Variants in ASCC3 observed in about 807,000 individuals in gnomAD.
ASCC3 encodes activating signal cointegrator 1 complex subunit 3.
In ASCC3, 158 loss-of-function variants were observed where a neutral mutation model predicts 256.3. The ratio of observed to expected loss-of-function variants is 0.62; its 90% CI spans 0.54 to 0.70. The LOEUF is 0.70. ASCC3 is among the 30% of genes least tolerant of loss of function. ASCC3 has a pLI of 0.00. For synonymous variants in ASCC3, 948 were observed against 883.4 expected (o/e 1.07, Z -1.30); for missense variants, 2,259 against 2,626.0 (o/e 0.86, Z 3.05).
At chr6:100,595,544 C>CATCAAAT (rs1772249263) in intron 34 of ASCC3, among the ~76,000 whole-genome samples, 1 of 151,932 alleles carries the variant, frequency 6.6e-6, no homozygotes, top group Admixed American at 6.6e-5. Flanking sequence ...TTTTGGGGGG[C>CATCAAAT]ATCAAATAAA....
At chr6:100,810,864 C>T (rs527248217) in intron 4 of ASCC3, among the ~76,000 whole-genome samples, 1 of 152,180 alleles carries the variant, frequency 6.6e-6, no homozygotes, top group Non-Finnish European at 1.5e-5. Context: ...CATTAAGATT[C>T]CTAAAAAGCT....
At chr6:100,771,515 T>G (rs1407555180) in intron 8 of ASCC3, among the ~76,000 whole-genome samples, 2 of 147,622 alleles carry the variant, frequency 1.4e-5, no homozygotes, top group Non-Finnish European at 3.0e-5. Flanking sequence ...AATACATATA[T>G]CAGATAAAGT....
Position 100,863,050 on chromosome 6 carries a change from G to A in ASCC3, c.241+1014C>T, listed in dbSNP as rs187512344. Among the ~76,000 whole-genome samples, 447 of 152,282 alleles carry A rather than the reference G, an allele frequency of 2.9e-3. 4 individuals carry two copies. Among genetic ancestry groups the A allele is most frequent in the Middle Eastern group, 0.01 (3 of 292 alleles). On this transcript the variant is annotated intron_variant, in intron 3 of 41. Coordinates refer to ENST00000369162, the MANE Select transcript of ASCC3 (RefSeq NM_006828.4). ...GAATGAAGTGAGGTCAGACAGAGGG[G>A]AAGGCCAGATCATGCAAGACCAGAA...
At chr6:100,724,309 CT>C (rs1289402788) in intron 11 of ASCC3, among the ~76,000 whole-genome samples, 2 of 151,094 alleles carry the variant, frequency 1.3e-5, no homozygotes, top group Non-Finnish European at 3.0e-5. Flanking sequence ...GGTTTGAGAA[CT>C]GGTAACTGGT....
chr6:100,512,616 G>C, intron 40 of ASCC3, 93 bp downstream of exon 40: 1 of 1,293,326 alleles, frequency 7.7e-7, no homozygotes, highest in South Asian at 1.2e-5. Context: ...ATTCATGAAT[G>C]ACACGGGCAC....
chr6:100,848,103 G>T, intron 4 of ASCC3, 45 bp downstream of exon 4: 1 of 1,499,282 alleles, frequency 6.7e-7, no homozygotes, highest in Non-Finnish European at 8.9e-7. Context: ...TATTTCATTA[G>T]GATAGTTCAC....
chr6:100,819,568 C>A (rs1770936891), intron 4 of ASCC3, among the ~76,000 whole-genome samples: 1 of 152,072 alleles, frequency 6.6e-6, no homozygotes. Flanking sequence ...GGCCCAGGAG[C>A]CCCTGGCAAG....
chr6:100,833,300 G>A (rs1417459207), intron 4 of ASCC3, among the ~76,000 whole-genome samples: 1 of 152,170 alleles, frequency 6.6e-6, no homozygotes, highest in African/African-American at 2.4e-5. Context: ...GGCTACAGGG[G>A]AAGGGAGGAA....
chr6:100,853,978 C>T (rs144855378), intron 3 of ASCC3, among the ~76,000 whole-genome samples: 154 of 152,170 alleles, frequency 1.0e-3, no homozygotes, highest in Middle Eastern at 3.4e-3. Flanking sequence ...TATACCATGT[C>T]CCCATAATTT....
intron 10 of ASCC3, among the ~76,000 whole-genome samples, chr6:100,759,655 A>G (rs1407234523): frequency 6.6e-6 from 1 of 152,174 alleles, no homozygotes; most frequent in East Asian, 1.9e-4. Context: ...CTTTGATTCC[A>G]TATGAAACTT....
At chr6:100,596,294 G>A (rs563089847) in intron 34 of ASCC3, among the ~76,000 whole-genome samples, 1 of 152,216 alleles carries the variant, frequency 6.6e-6, no homozygotes, top group African/African-American at 2.4e-5. Context: ...TGTAAGTAAT[G>A]ATATTTTGTT....
intron 13 of ASCC3, among the ~76,000 whole-genome samples, chr6:100,682,578 T>C (rs904942988): frequency 2.0e-5 from 3 of 152,186 alleles, no homozygotes; most frequent in African/African-American, 7.2e-5. Flanking sequence ...GTTTTCTGCA[T>C]TCATCCATCC....
chr6:100,651,527 T>A, intron 19 of ASCC3, 33 bp downstream of exon 19: 1 of 1,324,426 alleles, frequency 7.6e-7, no homozygotes, highest in Non-Finnish European at 1.1e-6. Flanking sequence ...ATACATGTTG[T>A]ATGCATTTGA....
chr6:100,676,392 C>A (rs889383756), intron 14 of ASCC3, among the ~76,000 whole-genome samples: 1 of 152,140 alleles, frequency 6.6e-6, no homozygotes, highest in African/African-American at 2.4e-5. Context: ...AGGCCACAAA[C>A]CTTCTAGAGG....
Position 100,509,270 on chromosome 6 carries a change from T to C in ASCC3, c.*116A>G, listed in dbSNP as rs1562080638. Reference sequence around the variant, plus strand: ...CTGCAGCCACTGTCAATTTCCTGGATGGTTGAGGTTAGAAGTTGATTCTTT... The same window carrying C: ...CTGCAGCCACTGTCAATTTCCTGGACGGTTGAGGTTAGAAGTTGATTCTTT... On this transcript the variant is annotated 3_prime_UTR_variant, in exon 42 of 42. Transcript: ENST00000369162. 5.8e-6 allele frequency: 8 copies of C among 1,378,466 alleles called. No individual in the cohort carries two copies. In the East Asian group the frequency reaches 9.2e-5, roughly 16 times the overall value. 85.4% of individuals were successfully genotyped at this position (1,378,466 alleles called of 1,614,324 possible).
In ASCC3 at chr6:100,725,642, G is replaced by T; in HGVS notation, c.1799C>A (p.Ala600Asp). The T allele has an allele frequency of 6.2e-7, 1 of 1,612,640 alleles. No homozygotes were observed. The highest frequency in any genetic ancestry group is 8.5e-7 in the Non-Finnish European group (1 of 1,179,140). ...VVTRKSVGDV[A>D]LSQIVRLLIL... ...AAGGAGCCTTACAATCTGGGAAAGA[G>T]CTACATCCCCAACACTCTTTCTTGT... is the stretch of plus-strand genomic sequence containing the variant. Residue 600 changes from alanine (A) to aspartate (D), a missense_variant, in exon 11 of 42, where the codon GCT becomes GAT. This residue lies in a region of ASCC3 where 1,839 missense variants were observed against 2,206.7 expected (regional missense o/e 0.83). Coordinates refer to ENST00000369162, the MANE Select transcript of ASCC3 (RefSeq NM_006828.4).
At position 100,647,288 on chromosome 6, in the gene ASCC3, G is replaced by A; in HGVS notation, c.3416C>T (p.Thr1139Ile). ...QFSILPPHIL[T>I]RLEEKKLTVD... ...AGTAAGCTTTTTTTCTTCTAATCTT[G>A]TTAGGATGTGTGGTGGTAGGATTGA... Residue 1139 changes from threonine to isoleucine, a missense_variant, in exon 21 of 42, where the codon ACA becomes ATA. By Grantham distance (89) the Thr-to-Ile change is moderately conservative. Around this residue, in one of 2 missense-constraint regions of ASCC3, gnomAD observed 1,839 missense variants for 2,206.7 expected, o/e 0.83. Transcript: ENST00000369162. 1 of 1,613,622 alleles carries A rather than the reference G, an allele frequency of 6.2e-7. No individual in the cohort carries two copies. The highest frequency in any genetic ancestry group is 8.5e-7 in the Non-Finnish European group (1 of 1,179,910).
intron 36 of ASCC3, among the ~76,000 whole-genome samples, chr6:100,562,261 G>C (rs1769994268): frequency 6.6e-6 from 1 of 152,004 alleles, no homozygotes; most frequent in Non-Finnish European, 1.5e-5. Flanking sequence ...AACAACAAAA[G>C]TTTTCAGAAA....
At chr6:100,729,988 T>C (rs1291596160) in intron 10 of ASCC3, among the ~76,000 whole-genome samples, 1 of 152,080 alleles carries the variant, frequency 6.6e-6, no homozygotes, top group African/African-American at 2.4e-5. Flanking sequence ...TATACCATAT[T>C]TTATTGTCAC....
Sources: allele counts gnomAD v4.1 joint callset (sites outside exome capture counted in the v4.1 genomes callset), GRCh38; gene constraint gnomAD v4.1.1; regional missense constraint gnomAD v4.1.1; transcripts MANE v1.5; gene names NCBI Gene and HGNC (gene_info 2026-07-23, HGNC 2026-07-21).